MTG1: variants seen among roughly 807,000 people sequenced by gnomAD.
MTG1 encodes the protein mitochondrial ribosome associated GTPase 1.
A neutral mutation model predicts 39.5 loss-of-function variants in MTG1; 30 were observed. The observed-to-expected ratio is 0.76, with a 90% CI of 0.57 to 1.03. MTG1 has a LOEUF of 1.03. MTG1 is among the 50% of genes least tolerant of loss of function. The pLI is 0.00. For missense variants in MTG1, 513 were observed against 447.4 expected (o/e 1.15, Z -1.32); for synonymous variants, 217 against 179.0 (o/e 1.21, Z -1.69).
Position 133,399,240 on chromosome 10 carries a change from G to T in MTG1, c.420+14G>T, listed in dbSNP as rs1268665662. On this transcript the variant is annotated intron_variant, in intron 5 of 10. Coordinates refer to ENST00000317502, the MANE Select transcript of MTG1 (RefSeq NM_138384.4). Reference sequence around the variant, plus strand: ...CACCGAAAAGAGGTTGGTTGGTGGGGCCCAGAGCTGGGAGTGGGAGGCGGG... The same window carrying T: ...CACCGAAAAGAGGTTGGTTGGTGGGTCCCAGAGCTGGGAGTGGGAGGCGGG... The T allele has an allele frequency of 6.2e-7, 1 of 1,613,836 alleles. No homozygotes were observed. The highest frequency in any genetic ancestry group is 8.5e-7 in the Non-Finnish European group (1 of 1,179,896).
Position 133,402,139 on chromosome 10 carries a change from G to T in MTG1, c.574-10G>T. ...ACCGCGGCCTGATCATGCCCTCTGTGCCCACACAGGTCTCTGAGCGGCCCC... is the reference window on the plus strand; with the variant it reads ...ACCGCGGCCTGATCATGCCCTCTGTTCCCACACAGGTCTCTGAGCGGCCCC... On this transcript the variant is annotated splice_polypyrimidine_tract_variant and intron_variant, in intron 7 of 10. Transcript: ENST00000317502. This position sits in a 1 kb window ranked among gnomAD's most constrained non-coding sequence, Gnocchi z 4.7. 2 of 1,613,938 alleles carry T rather than the reference G, an allele frequency of 1.2e-6. No homozygotes were observed. Among genetic ancestry groups the T allele is most frequent in the South Asian group, 1.1e-5 (1 of 91,082 alleles).
intron 9 of MTG1, among the ~76,000 whole-genome samples, chr10:133,410,478 C>A (rs956408061): frequency 1.3e-5 from 2 of 152,146 alleles, no homozygotes; most frequent in Non-Finnish European, 1.5e-5. Context: ...TCCTTTTTTA[C>A]TGTCTTCCTT....
In MTG1 at chr10:133,394,514, C is replaced by T. The variant is rs545687328; in HGVS notation, c.112+182C>T. On this transcript the variant is annotated intron_variant, in intron 1 of 10. Transcript: ENST00000317502. ...TCCCGGAGCCGCCGGGACCCCTTCCCCTGCGCAGCTGCGGGAGAGGCCCGT... is the reference window on the plus strand; with the variant it reads ...TCCCGGAGCCGCCGGGACCCCTTCCTCTGCGCAGCTGCGGGAGAGGCCCGT... 3.8e-6 allele frequency: 5 copies of T among 1,332,900 alleles called. No individual in the cohort carries two copies. The African/African-American group carries it at 6.2e-5, about 17-fold the overall frequency. 82.6% of individuals were successfully genotyped at this position (1,332,900 alleles called of 1,614,324 possible).
rs543547206 is a variant in MTG1, at chr10:133,402,939, C to T, written c.752+166C>T. The T allele has an allele frequency of 1.4e-5, 8 of 570,246 alleles. 1 individual carries two copies. The highest frequency in any genetic ancestry group is 7.5e-5 in the African/African-American group (4 of 53,452). The allele number at this position is 570,246 out of a possible 1,614,324, so 35.3% of individuals were successfully genotyped here. ...GGACAAGTTCGGGAGTATGGCTATA[C>T]GTCTGTGAAAGCAACACACAATCAA... On this transcript the variant is annotated intron_variant, in intron 9 of 10. Coordinates refer to ENST00000317502, the MANE Select transcript of MTG1 (RefSeq NM_138384.4). The surrounding 1 kb of genome is among the most constrained non-coding windows in gnomAD (Gnocchi z 4.7).
intron 9 of MTG1, among the ~76,000 whole-genome samples, chr10:133,404,230 G>A (rs182919928): frequency 6.9e-6 from 1 of 145,746 alleles, no homozygotes; most frequent in East Asian, 2.1e-4. Context: ...GGGCTCAAGC[G>A]ATCCTCCCAC....
Position 133,402,007 on chromosome 10 carries a change from T to G in MTG1, c.574-142T>G. 8.2e-6 allele frequency: 7 copies of G among 852,400 alleles called. No homozygotes were observed. The highest frequency in any genetic ancestry group is 1.3e-5 in the Non-Finnish European group (7 of 533,534). The allele number at this position is 852,400 out of a possible 1,614,324, so 52.8% of individuals were successfully genotyped here. A position where few individuals can be genotyped will look rare whatever the true frequency, so the allele number is the denominator to read the frequency against. ...TCCTCTGGGGAACCCTGGAGCTTGG[T>G]GAGAGTGACGCTGCCATGGGGTTGG... On this transcript the variant is annotated intron_variant, in intron 7 of 10. Transcript: ENST00000317502. The surrounding 1 kb of genome is among the most constrained non-coding windows in gnomAD (Gnocchi z 4.7).
In MTG1 at chr10:133,402,031, G is replaced by T; in HGVS notation, c.574-118G>T. The T allele has an allele frequency of 8.9e-7, 1 of 1,124,498 alleles. No homozygotes were observed. The highest frequency in any genetic ancestry group is 1.3e-6 in the Non-Finnish European group (1 of 756,150). The allele number at this position is 1,124,498 out of a possible 1,614,324, so 69.7% of individuals were successfully genotyped here. On this transcript the variant is annotated intron_variant, in intron 7 of 10. Transcript: ENST00000317502. This position sits in a 1 kb window ranked among gnomAD's most constrained non-coding sequence, Gnocchi z 4.7. ...GTGAGAGTGACGCTGCCATGGGGTT[G>T]GGTCCCTGAGGCCTTCCTCGGAGCA...
In MTG1 at chr10:133,402,894, A is replaced by G. The variant is rs1032979698; in HGVS notation, c.752+121A>G. ...GTATTATAAACACGGTAACCTGCAC[A>G]TCGTTTAAAGCGTCCAGTTGGACAA... is the stretch of plus-strand genomic sequence containing the variant. On this transcript the variant is annotated intron_variant, in intron 9 of 10. Coordinates refer to ENST00000317502, the MANE Select transcript of MTG1 (RefSeq NM_138384.4). The surrounding 1 kb of genome is among the most constrained non-coding windows in gnomAD (Gnocchi z 4.7). 9 of 740,422 alleles carry G rather than the reference A, an allele frequency of 1.2e-5. No individual in the cohort carries two copies. The highest frequency in any genetic ancestry group is 2.8e-5 in the Admixed American group (1 of 35,400). 45.9% of individuals were successfully genotyped at this position (740,422 alleles called of 1,614,324 possible).
At position 133,402,730 on chromosome 10, in the gene MTG1, GCTGA is replaced by G; in HGVS notation, c.712_715del (p.Asp238ThrfsTer27). 6.2e-7 allele frequency: 1 copy of G among 1,608,760 alleles called. No homozygotes were observed. Among genetic ancestry groups the G allele is most frequent in the Non-Finnish European group, 8.5e-7 (1 of 1,177,896 alleles). On this transcript the variant is annotated frameshift_variant, in exon 9 of 11. Transcript: ENST00000317502. LOFTEE classifies it high-confidence loss of function. This position sits in a 1 kb window ranked among gnomAD's most constrained non-coding sequence, Gnocchi z 4.7. ...CCACCTGGTCGGGGAGGAGACCATG[GCTGA>G]CTACCTGCTGTACACCCTCAACAAA...
intron 1 of MTG1, chr10:133,394,608 G>T (rs1849753427): frequency 1.5e-6 from 2 of 1,295,220 alleles, no homozygotes; most frequent in Admixed American, 4.3e-5. Context: ...CTGGCCCGCC[G>T]CCCCTGTCCT....
In MTG1 at chr10:133,402,594, C is replaced by G. The variant is rs113297110; in HGVS notation, c.671-98C>G. 2 of 1,107,702 alleles carry G rather than the reference C, an allele frequency of 1.8e-6. No homozygotes were observed. Among genetic ancestry groups the G allele is most frequent in the Non-Finnish European group, 1.3e-6 (1 of 762,190 alleles). The allele number at this position is 1,107,702 out of a possible 1,614,324, so 68.6% of individuals were successfully genotyped here. On this transcript the variant is annotated intron_variant, in intron 8 of 10. Transcript: ENST00000317502. The surrounding 1 kb of genome is among the most constrained non-coding windows in gnomAD (Gnocchi z 4.7). ...AGTGGCTGGCCTCTTCCTCACGGCACGGTGTCTTTGGGCTAGGACTGGAAG... is the reference window on the plus strand; with the variant it reads ...AGTGGCTGGCCTCTTCCTCACGGCAGGGTGTCTTTGGGCTAGGACTGGAAG...
intron 6 of MTG1, among the ~76,000 whole-genome samples, chr10:133,399,981 A>G (rs1282974633): frequency 6.6e-6 from 1 of 152,218 alleles, no homozygotes; most frequent in Non-Finnish European, 1.5e-5. Context: ...TCATGAGGTC[A>G]GGAGATTGAG....
At chr10:133,398,561 G>A (rs773768280) in intron 4 of MTG1, 46 bp downstream of exon 4, 1 of 1,573,682 alleles carries the variant, frequency 6.4e-7, no homozygotes, top group Non-Finnish European at 8.6e-7. Context: ...GCTTCAGTAG[G>A]TTCGAGGAGC....
chr10:133,405,418 T>G (rs1849955687), intron 9 of MTG1, among the ~76,000 whole-genome samples: 1 of 152,256 alleles, frequency 6.6e-6, no homozygotes, highest in South Asian at 2.1e-4. Context: ...TGCTCTCTTC[T>G]GGTATTTGAA....
rs527949542 is a variant in MTG1, at chr10:133,400,539, T to C, written c.511+920T>C. Among the ~76,000 whole-genome samples, 382 of 152,392 alleles carry C rather than the reference T, an allele frequency of 2.5e-3. 1 individual carries two copies. The highest frequency in any genetic ancestry group is 8.2e-3 in the African/African-American group (341 of 41,598). ...CAAACCCATTCATGATGTGCAAATC[T>C]GAAGGCTTTAAACTACGGTGAACTG... On this transcript the variant is annotated intron_variant, in intron 6 of 10. Coordinates refer to ENST00000317502, the MANE Select transcript of MTG1 (RefSeq NM_138384.4).
At chr10:133,406,893 G>A (rs1849977839) in intron 9 of MTG1, among the ~76,000 whole-genome samples, 1 of 152,090 alleles carries the variant, frequency 6.6e-6, no homozygotes, top group South Asian at 2.1e-4. Context: ...TTGAACTCCT[G>A]ACCTCGTGAT....
At chr10:133,415,233 CCT>C (rs1850107328) in intron 9 of MTG1, among the ~76,000 whole-genome samples, 1 of 152,018 alleles carries the variant, frequency 6.6e-6, no homozygotes, top group Non-Finnish European at 1.5e-5. Context: ...AGCGGGCGCC[CCT>C]GTTTTTTCAT....
At chr10:133,407,994 TAA>T (rs765212015) in intron 9 of MTG1, among the ~76,000 whole-genome samples, 9 of 152,238 alleles carry the variant, frequency 5.9e-5, no homozygotes, top group Non-Finnish European at 1.0e-4. Context: ...TTTCCCAATA[TAA>T]GATTGTCATC....
At position 133,396,043 on chromosome 10, in the gene MTG1, G is replaced by A. The variant is rs539828948; in HGVS notation, c.178-120G>A. ...TGTTTAAATGTTCCTGCCAACTGGG[G>A]CTTTTCTCCTGTACTTGAGGAATGA... On this transcript the variant is annotated intron_variant, in intron 2 of 10. Transcript: ENST00000317502. 2.2e-5 allele frequency: 21 copies of A among 961,218 alleles called. No individual in the cohort carries two copies. The South Asian group carries it at 2.7e-4, about 12-fold the overall frequency. 59.5% of individuals were successfully genotyped at this position (961,218 alleles called of 1,614,324 possible). A position where few individuals can be genotyped will look rare whatever the true frequency, so the allele number is the denominator to read the frequency against.
Sources: allele counts gnomAD v4.1 joint callset (sites outside exome capture counted in the v4.1 genomes callset), GRCh38; gene constraint gnomAD v4.1.1; non-coding constraint Gnocchi (gnomAD v3.1); transcripts MANE v1.5; gene names NCBI Gene and HGNC (gene_info 2026-07-23, HGNC 2026-07-21).